The following TRHDE variants were observed in gnomAD, a reference collection of about 807,000 sequenced individuals.
TRHDE encodes thyrotropin-releasing hormone-degrading ectoenzyme.
TRHDE carries 72 observed loss-of-function variants against 125.7 expected under a neutral mutation model. That is an observed-to-expected ratio of 0.57 (90% confidence interval 0.47 to 0.70). TRHDE has a LOEUF of 0.70. Among genes scored for constraint, TRHDE ranks in the 30% least tolerant of loss-of-function variants. The pLI is 0.00. For missense variants in TRHDE, 1,110 were observed against 1,327.1 expected, an observed-to-expected ratio of 0.84 and a Z score of 2.54; for synonymous variants, 509 against 509.1, an observed-to-expected ratio of 1.00 and a Z score of 0.00.
intron 2 of TRHDE, among the ~76,000 whole-genome samples, chr12:72,180,652 C>G (rs542520943): frequency 6.6e-6 from 1 of 152,276 alleles, no homozygotes; most frequent in Non-Finnish European, 1.5e-5. Flanking sequence ...GTTTTTCTAG[C>G]TGTCCATGCA....
At chr12:72,230,374 A>C (rs555490144) in intron 2 of TRHDE, among the ~76,000 whole-genome samples, 2 of 152,178 alleles carry the variant, frequency 1.3e-5, no homozygotes, top group South Asian at 4.1e-4. Flanking sequence ...TACTTCTTAC[A>C]TGAATGCATT....
intron 3 of TRHDE, among the ~76,000 whole-genome samples, chr12:72,457,328 T>C (rs936435370): frequency 2.6e-5 from 4 of 152,174 alleles, no homozygotes; most frequent in African/African-American, 9.7e-5. Flanking sequence ...ATTTCTGTAA[T>C]TGTGCTGTTT....
intron 7 of TRHDE, among the ~76,000 whole-genome samples, chr12:72,548,131 C>A (rs753429209): frequency 6.6e-6 from 1 of 151,670 alleles, no homozygotes; most frequent in Non-Finnish European, 1.5e-5. Flanking sequence ...CACTTCTATC[C>A]TCTCTTCCTC....
intron 2 of TRHDE, among the ~76,000 whole-genome samples, chr12:72,148,623 G>A (rs1218141996): frequency 1.3e-5 from 2 of 152,176 alleles, no homozygotes; most frequent in Non-Finnish European, 2.9e-5. Context: ...ATCCTGCCAA[G>A]GAAAGAACCC....
intron 3 of TRHDE, among the ~76,000 whole-genome samples, chr12:72,398,064 A>G (rs1221823111): frequency 6.7e-6 from 1 of 148,222 alleles, no homozygotes; most frequent in Non-Finnish European, 1.5e-5. Flanking sequence ...ATTCCCACCT[A>G]TGAGTGAGAA....
intron 5 of TRHDE, among the ~76,000 whole-genome samples, chr12:72,476,124 C>T (rs1322785308): frequency 3.9e-5 from 6 of 152,120 alleles, no homozygotes; most frequent in Admixed American, 3.9e-4. Flanking sequence ...ACTATATTGG[C>T]CAGGCTGCTC....
chr12:72,091,118 C>T (rs916471550), intron 1 of TRHDE, among the ~76,000 whole-genome samples: 6 of 152,082 alleles, frequency 3.9e-5, no homozygotes, highest in Admixed American at 3.9e-4. Flanking sequence ...AAGTGATCCT[C>T]CCTCTTCAGC....
At chr12:72,285,099 C>G (rs546209346) in intron 1 of TRHDE, among the ~76,000 whole-genome samples, 2 of 152,082 alleles carry the variant, frequency 1.3e-5, no homozygotes, top group Admixed American at 6.6e-5. Context: ...AAAAATGAGG[C>G]CCTCAATGAT....
chr12:72,414,029 T>C (rs975110904), intron 3 of TRHDE, among the ~76,000 whole-genome samples: 3 of 152,138 alleles, frequency 2.0e-5, no homozygotes, highest in Admixed American at 1.3e-4. Context: ...AGTATTTATA[T>C]AGGCTGCCTC....
At chr12:72,245,241 GTA>G (rs375400024) in intron 2 of TRHDE, among the ~76,000 whole-genome samples, 119 of 145,516 alleles carry the variant, frequency 8.2e-4, no homozygotes, top group Non-Finnish European at 1.1e-3. Flanking sequence ...ATGTTTGTGT[GTA>G]TGTGTGTGTG....
At chr12:72,590,465 A>C (rs1041661645) in intron 12 of TRHDE, among the ~76,000 whole-genome samples, 1 of 151,970 alleles carries the variant, frequency 6.6e-6, no homozygotes, top group Non-Finnish European at 1.5e-5. Context: ...GAAACTATCT[A>C]GTTCTCATTT....
chr12:72,528,044 A>T (rs1447093195), intron 6 of TRHDE, among the ~76,000 whole-genome samples: 1 of 152,142 alleles, frequency 6.6e-6, no homozygotes. Flanking sequence ...ATGATAAACC[A>T]CATTTACTTA....
At chr12:72,229,584 A>G (rs1405919356) in intron 2 of TRHDE, among the ~76,000 whole-genome samples, 1 of 152,218 alleles carries the variant, frequency 6.6e-6, no homozygotes, top group Non-Finnish European at 1.5e-5. Flanking sequence ...CAGACATTGA[A>G]TTGCATTCCT....
intron 1 of TRHDE, among the ~76,000 whole-genome samples, chr12:72,088,349 G>C (rs908334786): frequency 1.3e-5 from 2 of 152,098 alleles, no homozygotes; most frequent in Admixed American, 1.3e-4. Flanking sequence ...AGTGGAAAGG[G>C]AAAAGAAGAT....
intron 2 of TRHDE, among the ~76,000 whole-genome samples, chr12:72,222,335 A>G (rs1301602760): frequency 6.6e-6 from 1 of 152,130 alleles, no homozygotes; most frequent in Non-Finnish European, 1.5e-5. Flanking sequence ...TTTGGAAAAT[A>G]TAGCCTGCCA....
chr12:72,640,756 T>G (rs1304358052), intron 15 of TRHDE, among the ~76,000 whole-genome samples: 3 of 152,156 alleles, frequency 2.0e-5, no homozygotes, highest in Non-Finnish European at 4.4e-5. Context: ...CTCTCCAGAT[T>G]TGGAATATTT....
intron 15 of TRHDE, among the ~76,000 whole-genome samples, chr12:72,648,765 A>T (rs1253412752): frequency 6.6e-6 from 1 of 152,048 alleles, no homozygotes; most frequent in Non-Finnish European, 1.5e-5. Context: ...TGGGAAACAT[A>T]GAGAGACCCC....
chr12:72,565,499 G>A (rs1457642839), intron 9 of TRHDE, among the ~76,000 whole-genome samples: 2 of 152,168 alleles, frequency 1.3e-5, no homozygotes, highest in Admixed American at 1.3e-4. Context: ...TACTTGGGAA[G>A]TTGTGAATTT....
intron 6 of TRHDE, among the ~76,000 whole-genome samples, chr12:72,514,766 T>C (rs1174730698): frequency 6.8e-6 from 1 of 147,334 alleles, no homozygotes; most frequent in Non-Finnish European, 1.5e-5. Context: ...TAGGTATATC[T>C]CCTAATGCTA....
Sources: gnomAD v4.1 joint callset for allele counts (sites outside exome capture counted in the v4.1 genomes callset) on GRCh38, gnomAD v4.1.1 for gene constraint, MANE v1.5 for transcripts, NCBI Gene and HGNC (gene_info 2026-07-23, HGNC 2026-07-21) for gene names.